Variants in TMCO4 observed in about 807,000 individuals in gnomAD.
TMCO4 encodes transmembrane and coiled-coil domains 4, also known as transmembrane and coiled-coil domain-containing protein 4.
A neutral mutation model predicts 64.7 loss-of-function variants in TMCO4; 58 were observed. The observed-to-expected ratio is 0.90, with a 90% CI of 0.73 to 1.12. TMCO4 has a LOEUF of 1.12. TMCO4 is among the 50% of genes most tolerant of loss of function. The probability of loss-of-function intolerance (pLI) is 0.00; values close to 1 mark genes in which losing one functional copy is unlikely to be tolerated. For missense variants in TMCO4, 780 were observed against 825.9 expected, an observed-to-expected ratio of 0.94 and a Z score of 0.68; for synonymous variants, 325 against 346.1, an observed-to-expected ratio of 0.94 and a Z score of 0.68.
At chr1:19,742,987 T>A (rs1183191463) in intron 10 of TMCO4, among the ~76,000 whole-genome samples, 1 of 151,826 alleles carries the variant, frequency 6.6e-6, no homozygotes, top group Non-Finnish European at 1.5e-5. Context: ...GAGGCGGAGG[T>A]TGCAGTGAGC....
chr1:19,784,142 C>T (rs944118208), intron 3 of TMCO4, among the ~76,000 whole-genome samples: 53 of 152,164 alleles, frequency 3.5e-4, no homozygotes, highest in African/African-American at 1.2e-3. Flanking sequence ...AAGCCCCACG[C>T]CAGTTCTTAG....
In TMCO4 at chr1:19,770,580, A is replaced by G; in HGVS notation, c.355-11T>C. The G allele has an allele frequency of 6.2e-7, 1 of 1,612,122 alleles. No homozygotes were observed. Among genetic ancestry groups the G allele is most frequent in the Non-Finnish European group, 8.5e-7 (1 of 1,179,314 alleles). Reference sequence around the variant, plus strand: ...GAAGCTCAGAAGGTCCTGAGGGAGAAGACAACAGGCATCAATGACAAAGCT... The same window carrying G: ...GAAGCTCAGAAGGTCCTGAGGGAGAGGACAACAGGCATCAATGACAAAGCT... On this transcript the variant is annotated splice_polypyrimidine_tract_variant and intron_variant, in intron 5 of 15. Coordinates refer to ENST00000294543, the MANE Select transcript of TMCO4 (RefSeq NM_181719.7).
At position 19,781,094 on chromosome 1, in the gene TMCO4, G is replaced by A. The variant is rs775839230; in HGVS notation, c.-8-328C>T. 4.5e-4 allele frequency among the ~76,000 whole-genome samples: 66 copies of A among 147,972 alleles called. 1 individual carries two copies. The highest frequency in any genetic ancestry group is 7.0e-4 in the Non-Finnish European group (47 of 67,572). Reference sequence around the variant, plus strand: ...CATAAAAGAGATTCCACAGTGAGCCGAGATCGCGCCACGGCACTCCAGCCT... The same window carrying A: ...CATAAAAGAGATTCCACAGTGAGCCAAGATCGCGCCACGGCACTCCAGCCT... On this transcript the variant is annotated intron_variant, in intron 3 of 15. Transcript: ENST00000294543.
chr1:19,788,503 T>C, intron 2 of TMCO4, among the ~76,000 whole-genome samples: 1 of 152,178 alleles, frequency 6.6e-6, no homozygotes, highest in Non-Finnish European at 1.5e-5. Context: ...TTTTAATTTT[T>C]TTATATATCT....
In TMCO4 at chr1:19,771,485, GA is replaced by G; in HGVS notation, c.180-4del. On this transcript the variant is annotated splice_region_variant and splice_polypyrimidine_tract_variant and intron_variant, in intron 4 of 15. Coordinates refer to ENST00000294543, the MANE Select transcript of TMCO4 (RefSeq NM_181719.7). ...CCATGAACTCTGTGCAGAAGGAGCT[GA>G]AAGGCAGACATGGCTTAGTTCTCCA... 6.2e-7 allele frequency: 1 copy of G among 1,613,302 alleles called. No individual in the cohort carries two copies. The highest frequency in any genetic ancestry group is 8.5e-7 in the Non-Finnish European group (1 of 1,179,756).
chr1:19,777,736 C>T (rs1239404526), intron 4 of TMCO4, among the ~76,000 whole-genome samples: 1 of 152,224 alleles, frequency 6.6e-6, no homozygotes, highest in Non-Finnish European at 1.5e-5. Flanking sequence ...GTTTAAATCT[C>T]TCTTAGTACT....
chr1:19,775,674 C>A lies in TMCO4; in HGVS notation c.180-4192G>T, dbSNP rs538486091. On this transcript the variant is annotated intron_variant, in intron 4 of 15. Coordinates refer to ENST00000294543, the MANE Select transcript of TMCO4 (RefSeq NM_181719.7). The stretch of plus-strand genomic sequence containing the variant: ...GGCCTGCATGCCTAAAATAACTGGC[C>A]CTTGGCAGAAGACGTCTGTCCATCC... 1.1e-4 allele frequency among the ~76,000 whole-genome samples: 17 copies of A among 152,272 alleles called. No homozygotes were observed. The East Asian group carries it at 2.9e-3, about 26-fold the overall frequency.
Position 19,745,662 on chromosome 1 carries a change from AG to A in TMCO4, c.758-12del, listed in dbSNP as rs748217838. ...TCTTCATCTTGTATCCTAAAGACCC[AG>A]ATCCGAGAAAGAGAATGGAGGTGAC... On this transcript the variant is annotated splice_polypyrimidine_tract_variant and intron_variant, in intron 9 of 15. Transcript: ENST00000294543. The A allele has an allele frequency of 1.3e-6, 2 of 1,598,978 alleles. No homozygotes were observed. Among genetic ancestry groups the A allele is most frequent in the Non-Finnish European group, 1.7e-6 (2 of 1,170,580 alleles).
chr1:19,752,531 C>T (rs948773296), intron 7 of TMCO4, among the ~76,000 whole-genome samples: 5 of 152,216 alleles, frequency 3.3e-5, no homozygotes, highest in African/African-American at 1.2e-4. Context: ...TGTCCTTATC[C>T]TCACCACCAC....
chr1:19,700,243 G>A (rs748409100), intron 14 of TMCO4, among the ~76,000 whole-genome samples: 1 of 151,972 alleles, frequency 6.6e-6, no homozygotes. Flanking sequence ...CTGGCTGGAG[G>A]GTCTGTCACC....
At chr1:19,772,952 A>T (rs2043050287) in intron 4 of TMCO4, among the ~76,000 whole-genome samples, 1 of 152,158 alleles carries the variant, frequency 6.6e-6, no homozygotes, top group South Asian at 2.1e-4. Flanking sequence ...CGCTTTGAGA[A>T]GTGGGGCTGG....
chr1:19,780,419 A>G (rs540508841), intron 4 of TMCO4, among the ~76,000 whole-genome samples, 161 bp downstream of exon 4: 18 of 152,296 alleles, frequency 1.2e-4, no homozygotes, highest in African/African-American at 4.1e-4. Flanking sequence ...ACAGACCAGT[A>G]CTGGTCCACG....
At chr1:19,747,135 G>A (rs374295058) in intron 8 of TMCO4, 28 bp downstream of exon 8, 14 of 1,608,152 alleles carry the variant, frequency 8.7e-6, no homozygotes, top group Admixed American at 1.7e-5. Flanking sequence ...AAACCCAGAC[G>A]TGTGCCACCA....
chr1:19,745,479 G>C, intron 10 of TMCO4, 53 bp downstream of exon 10: 2 of 1,611,758 alleles, frequency 1.2e-6, no homozygotes, highest in South Asian at 2.2e-5. Flanking sequence ...CCAGGGTCTG[G>C]CCCAGGCCAC....
intron 13 of TMCO4, among the ~76,000 whole-genome samples, chr1:19,728,520 T>A (rs1032351535): frequency 6.6e-6 from 1 of 152,244 alleles, no homozygotes; most frequent in African/African-American, 2.4e-5. Flanking sequence ...CTCCTCTGAC[T>A]CTCTGGGCAC....
intron 6 of TMCO4, among the ~76,000 whole-genome samples, chr1:19,766,887 T>C (rs2042759148): frequency 1.3e-5 from 2 of 151,982 alleles, no homozygotes; most frequent in South Asian, 4.2e-4. Flanking sequence ...CATAAGAGGG[T>C]GGTCTAGGTG....
intron 12 of TMCO4, among the ~76,000 whole-genome samples, chr1:19,737,660 T>C (rs1393254256): frequency 2.6e-5 from 4 of 152,252 alleles, no homozygotes; most frequent in Admixed American, 6.5e-5. Context: ...CACCTGCTGC[T>C]GGAATTGGCT....
intron 12 of TMCO4, among the ~76,000 whole-genome samples, chr1:19,738,976 C>T (rs542737967): frequency 6.6e-6 from 1 of 152,186 alleles, no homozygotes; most frequent in East Asian, 1.9e-4. Flanking sequence ...TCGGATGATG[C>T]CATCTTTGAT....
rs1055324393 is a variant in TMCO4 at position 19,743,032 on chromosome 1, C to G, written c.878-2091G>C. Among the ~76,000 whole-genome samples, 1 of 151,926 alleles carries G rather than the reference C, an allele frequency of 6.6e-6. No homozygotes were observed. Among genetic ancestry groups the G allele is most frequent in the Non-Finnish European group, 1.5e-5 (1 of 67,998 alleles). On this transcript the variant is annotated intron_variant, in intron 10 of 15. Transcript: ENST00000294543. The surrounding 1 kb of genome is among the most constrained non-coding windows in gnomAD (Gnocchi z 4.1). The stretch of plus-strand genomic sequence containing the variant: ...GCCACTGCACTCCAGCCTGGTGATA[C>G]AGCAAGACTCCGTCTCCAAAAGAAA...
Sources: gnomAD v4.1 joint callset for allele counts (sites outside exome capture counted in the v4.1 genomes callset) on GRCh38, gnomAD v4.1.1 for gene constraint, Gnocchi (gnomAD v3.1) non-coding constraint, MANE v1.5 for transcripts, NCBI Gene and HGNC (gene_info 2026-07-23, HGNC 2026-07-21) for gene names.